Variants in ZMYND11 observed in about 807,000 individuals in gnomAD.
ZMYND11 encodes the protein zinc finger MYND-type containing 11, also known as zinc finger MYND domain-containing protein 11.
In ZMYND11, 9 loss-of-function variants were observed where a neutral mutation model predicts 84.9. The ratio of observed to expected loss-of-function variants is 0.11; its 90% CI spans 0.06 to 0.18. ZMYND11 has a LOEUF of 0.18. Among genes scored for constraint, ZMYND11 ranks in the 10% least tolerant of loss-of-function variants. The pLI, the probability that ZMYND11 is intolerant of heterozygous loss-of-function variation, is 1.00. For synonymous variants in ZMYND11, 250 were observed against 244.1 expected, an observed-to-expected ratio of 1.02 and a Z score of -0.23; for missense variants, 409 against 761.0, an observed-to-expected ratio of 0.54 and a Z score of 5.44.
At chr10:165,391 T>C (rs539031558) in intron 1 of ZMYND11, among the ~76,000 whole-genome samples, 1 of 152,268 alleles carries the variant, frequency 6.6e-6, no homozygotes, top group African/African-American at 2.4e-5. Flanking sequence ...TCTACATTTA[T>C]GGTTTCAGTT....
At chr10:175,886 A>G (rs1018182074) in intron 1 of ZMYND11, among the ~76,000 whole-genome samples, 1 of 152,208 alleles carries the variant, frequency 6.6e-6, no homozygotes, top group Non-Finnish European at 1.5e-5. Flanking sequence ...TATACTGATA[A>G]AAAACCTGAA....
chr10:248,302 C>A (rs368801112), intron 12 of ZMYND11, 34 bp from the exon 13 acceptor site: 1 of 1,594,596 alleles, frequency 6.3e-7, no homozygotes, highest in Admixed American at 1.7e-5. Context: ...TATGTGGCTT[C>A]GTTTGGCGTC....
intron 8 of ZMYND11, among the ~76,000 whole-genome samples, 174 bp from the exon 9 acceptor site, chr10:240,719 A>T (rs1950744638): frequency 2.0e-5 from 3 of 152,240 alleles, no homozygotes; most frequent in African/African-American, 7.2e-5. Flanking sequence ...GAGGACAGTG[A>T]CAGGGTCTTC....
At chr10:172,344 T>C (rs1845539927) in intron 1 of ZMYND11, among the ~76,000 whole-genome samples, 1 of 152,224 alleles carries the variant, frequency 6.6e-6, no homozygotes, top group African/African-American at 2.4e-5. Flanking sequence ...TGATCATTTA[T>C]ATAGCAAATC....
chr10:196,972 C>T (rs1453139179), intron 2 of ZMYND11, among the ~76,000 whole-genome samples: 1 of 151,886 alleles, frequency 6.6e-6, no homozygotes, highest in African/African-American at 2.4e-5. Context: ...TGTGTGCCCA[C>T]GTGCGCATTG....
At chr10:169,832 A>G (rs1844868809) in intron 1 of ZMYND11, among the ~76,000 whole-genome samples, 1 of 152,150 alleles carries the variant, frequency 6.6e-6, no homozygotes, top group South Asian at 2.1e-4. Flanking sequence ...ATATATGTAT[A>G]ATGGGAATAC....
At chr10:159,151 A>C (rs1842450086) in intron 1 of ZMYND11, among the ~76,000 whole-genome samples, 1 of 146,546 alleles carries the variant, frequency 6.8e-6, no homozygotes. Context: ...ACTGTACTCC[A>C]CTGTATGGAT....
upstream of ZMYND11, among the ~76,000 whole-genome samples, chr10:133,106 TGGTA>T (rs782021137): frequency 6.6e-6 from 1 of 152,308 alleles, no homozygotes; most frequent in South Asian, 2.1e-4. Flanking sequence ...AATGGCCTCT[TGGTA>T]TGCATTTCAA....
chr10:198,133 T>C (rs1942258905), intron 2 of ZMYND11: 2 of 375,354 alleles, frequency 5.3e-6, no homozygotes, highest in African/African-American at 4.2e-5. Context: ...ATTAAAAATA[T>C]TTCCTTTTTA....
Position 248,965 on chromosome 10 carries a change from G to A in ZMYND11, c.1563G>A (p.Gln521=). Residue 521 remains glutamine, a synonymous_variant, in exon 14 of 15, where the codon CAG becomes CAA. Transcript: ENST00000381604. ...QAVNKAVANM[Q]GEMDRKCKQV... Reference sequence around the variant, plus strand: ...TAAATAAAGCTGTAGCCAACATGCAGGGTGAGATGGACAGAAAATGTAAGC... The same window carrying A: ...TAAATAAAGCTGTAGCCAACATGCAAGGTGAGATGGACAGAAAATGTAAGC... The A allele has an allele frequency of 6.2e-7, 1 of 1,614,228 alleles. No homozygotes were observed. The highest frequency in any genetic ancestry group is 8.5e-7 in the Non-Finnish European group (1 of 1,180,048).
At chr10:184,899 G>GT (rs34092762) in intron 2 of ZMYND11, among the ~76,000 whole-genome samples, 44,370 of 150,488 alleles carry the variant, frequency 0.29, 6,937 homozygotes, top group East Asian at 0.5. Context: ...TCTTTTCCCC[G>GT]TTTTTTTTTG....
chr10:251,513 T>C (rs1953493311), intron 14 of ZMYND11, among the ~76,000 whole-genome samples: 1 of 152,176 alleles, frequency 6.6e-6, no homozygotes, highest in Non-Finnish European at 1.5e-5. Context: ...CCGTCAGATC[T>C]GCATGTGTCT....
chr10:239,312 A>G (rs1223449734), intron 6 of ZMYND11, 126 bp from the exon 7 acceptor site: 1 of 720,938 alleles, frequency 1.4e-6, no homozygotes, highest in Non-Finnish European at 2.4e-6. Context: ...TTCTCTGTCA[A>G]TACTGTGGGA....
chr10:187,538 G>A (rs997565580), intron 2 of ZMYND11, among the ~76,000 whole-genome samples: 3 of 151,958 alleles, frequency 2.0e-5, no homozygotes, highest in Admixed American at 2.0e-4. Flanking sequence ...GGAGGCTGAG[G>A]CAGGAGAATG....
intron 10 of ZMYND11, among the ~76,000 whole-genome samples, chr10:243,323 GA>G (rs915298760): frequency 1.3e-5 from 2 of 152,136 alleles, no homozygotes; most frequent in African/African-American, 4.8e-5. Context: ...AATAACGGGG[GA>G]AAGTTTGCTT....
chr10:201,732 G>A (rs187843996), intron 2 of ZMYND11, among the ~76,000 whole-genome samples: 324 of 152,238 alleles, frequency 2.1e-3, no homozygotes, highest in Middle Eastern at 3.4e-3. Context: ...TGGGAGAGAA[G>A]GGAGCGCTCT....
chr10:205,946 A>G (rs1020813361), intron 2 of ZMYND11, among the ~76,000 whole-genome samples: 26 of 149,884 alleles, frequency 1.7e-4, no homozygotes, highest in African/African-American at 4.7e-4. Flanking sequence ...GTTGTTATGT[A>G]TGTCTTCTGG....
chr10:220,664 C>T (rs1946989096), intron 3 of ZMYND11, among the ~76,000 whole-genome samples: 1 of 152,146 alleles, frequency 6.6e-6, no homozygotes, highest in African/African-American at 2.4e-5. Context: ...CCTATCAGAA[C>T]ATGGACATTC....
chr10:210,088 T>G (rs372057779), intron 3 of ZMYND11, 40 bp downstream of exon 3: 2 of 1,599,550 alleles, frequency 1.3e-6, no homozygotes, highest in East Asian at 4.5e-5. Flanking sequence ...GATGTGAACT[T>G]TTAGCTTTTA....
Sources: gnomAD v4.1 joint callset for allele counts (sites outside exome capture counted in the v4.1 genomes callset) on GRCh38, gnomAD v4.1.1 for gene constraint, MANE v1.5 for transcripts, NCBI Gene and HGNC (gene_info 2026-07-23, HGNC 2026-07-21) for gene names.